Variants in C9orf152 observed in about 807,000 individuals in gnomAD.
The protein encoded by C9orf152 is chromosome 9 open reading frame 152.
Under a neutral mutation model 8.5 loss-of-function variants are expected in C9orf152, and 8 were observed. That is an observed-to-expected ratio of 0.94 (90% CI 0.55 to 1.70). C9orf152 has a LOEUF of 1.70. Ranked by LOEUF, C9orf152 falls within the 40% of genes most tolerant of loss-of-function variation. The pLI is 0.00. For synonymous variants in C9orf152, 109 were observed against 113.0 expected (o/e 0.96, Z 0.22); for missense variants, 293 against 286.2 (o/e 1.02, Z -0.17).
At position 110,201,138 on chromosome 9, in the gene C9orf152, T is replaced by C. The variant is rs899248810; in HGVS notation, c.530A>G (p.Gln177Arg). 1.7e-5 allele frequency: 28 copies of C among 1,614,260 alleles called. No homozygotes were observed. Among genetic ancestry groups the C allele is most frequent in the Non-Finnish European group, 2.2e-5 (26 of 1,180,042 alleles). The change falls in exon 2 of 2, where the codon CAG (glutamine) becomes CGG (arginine). Residue 177 changes from glutamine (Q) to arginine (R), a missense_variant. Physicochemically the swap from Gln to Arg is conservative, Grantham distance 43. Transcript: ENST00000400613. ...GGTATTGCCCACCTGGCATGGAAGC[T>C]GGGCAGCCTCTGGGATTCCGGTTCC... ...QQGTGIPEAA[Q>R]LPCQVGNTQT...
At chr9:110,204,259 C>T (rs1288073981) in intron 1 of C9orf152, among the ~76,000 whole-genome samples, 1 of 152,168 alleles carries the variant, frequency 6.6e-6, no homozygotes, top group Non-Finnish European at 1.5e-5. Context: ...GAAAGTAGCT[C>T]AAGGTCCCCT....
chr9:110,204,108 A>G (rs753213600), intron 1 of C9orf152, among the ~76,000 whole-genome samples: 1 of 152,214 alleles, frequency 6.6e-6, no homozygotes, highest in Admixed American at 6.5e-5. Context: ...GAAATGTAAT[A>G]TAAAACATCC....
In C9orf152 at chr9:110,201,101, T is replaced by G; in HGVS notation, c.567A>C (p.Ala189=). 1 of 1,614,238 alleles carries G rather than the reference T, an allele frequency of 6.2e-7. No homozygotes were observed. The highest frequency in any genetic ancestry group is 8.5e-7 in the Non-Finnish European group (1 of 1,180,048). ...PCQVGNTQTK[A]VESGLKFSTQ... Reference sequence around the variant, plus strand: ...TGCTGAATTTTAAGCCAGATTCCACTGCCTTTGTTTGGGTATTGCCCACCT... The same window carrying G: ...TGCTGAATTTTAAGCCAGATTCCACGGCCTTTGTTTGGGTATTGCCCACCT... Residue 189 remains alanine (A), a synonymous_variant, in exon 2 of 2, where the codon GCA becomes GCC. Transcript: ENST00000400613.
chr9:110,205,005 C>A (rs1254282002), intron 1 of C9orf152, among the ~76,000 whole-genome samples: 1 of 152,148 alleles, frequency 6.6e-6, no homozygotes, highest in Non-Finnish European at 1.5e-5. Flanking sequence ...CTCTCTCCAT[C>A]TTCCCTGGCT....
In C9orf152 at chr9:110,200,367, T is replaced by C. The variant is rs1837200592; in HGVS notation, c.*581A>G. 6.6e-6 allele frequency: 1 copy of C among 152,648 alleles called. No individual in the cohort carries two copies. Among genetic ancestry groups the C allele is most frequent in the Non-Finnish European group, 1.5e-5 (1 of 68,406 alleles). The allele number at this position is 152,648 out of a possible 1,614,324, so 9.5% of individuals were successfully genotyped here. ...GTAGGTAGCATTGATCTCACCTTCATACCCTGGGTGACCATACTTTGGGAA... is the reference window on the plus strand; with the variant it reads ...GTAGGTAGCATTGATCTCACCTTCACACCCTGGGTGACCATACTTTGGGAA... On this transcript the variant is annotated 3_prime_UTR_variant, in exon 2 of 2. Transcript: ENST00000400613.
At chr9:110,202,655 T>G (rs10816941) in intron 1 of C9orf152, among the ~76,000 whole-genome samples, 106,669 of 151,894 alleles carry the variant, frequency 0.7, 37,917 homozygotes, top group East Asian at 0.95. Flanking sequence ...CAGTGAGAGG[T>G]ATTGGAATGA....
intron 1 of C9orf152, 140 bp downstream of exon 1, chr9:110,207,247 G>A (rs1837282774): frequency 1.1e-6 from 1 of 922,816 alleles, no homozygotes; most frequent in Middle Eastern, 2.4e-4. Flanking sequence ...CAGCTGAGCA[G>A]AGCTGCCCTG....
intron 1 of C9orf152, among the ~76,000 whole-genome samples, chr9:110,205,346 G>A (rs1837262374): frequency 6.6e-6 from 1 of 152,052 alleles, no homozygotes; most frequent in African/African-American, 2.4e-5. Context: ...TAAAGTATAG[G>A]GGACAATTAA....
intron 1 of C9orf152, among the ~76,000 whole-genome samples, chr9:110,201,821 G>A (rs1837225513): frequency 6.6e-6 from 1 of 152,164 alleles, no homozygotes; most frequent in Non-Finnish European, 1.5e-5. Context: ...TGGTTGAGTA[G>A]AGACAAAATT....
Position 110,201,013 on chromosome 9 carries a change from G to A in C9orf152, c.655C>T (p.Pro219Ser). 1 of 1,614,168 alleles carries A rather than the reference G, an allele frequency of 6.2e-7. No individual in the cohort carries two copies. The highest frequency in any genetic ancestry group is 8.5e-7 in the Non-Finnish European group (1 of 1,180,036). Residue 219 changes from proline (P) to serine (S), a missense_variant, in exon 2 of 2, where the codon CCC (proline) becomes TCC (serine). Physicochemically the swap from Pro to Ser is moderately conservative, Grantham distance 74. Transcript: ENST00000400613. ...RSGKPAYYPF[P>S]QRKTPRISQA... Reference sequence around the variant, plus strand: ...GAGATCCTGGGTGTTTTCCTCTGGGGAAATGGATAGTAAGCTGGTTTGCCA... The same window carrying A: ...GAGATCCTGGGTGTTTTCCTCTGGGAAAATGGATAGTAAGCTGGTTTGCCA...
At position 110,206,192 on chromosome 9, in the gene C9orf152, G is replaced by C. The variant is rs187147952; in HGVS notation, c.193+1195C>G. On this transcript the variant is annotated intron_variant, in intron 1 of 1. Transcript: ENST00000400613. ...TGCATGAACCATAATTTAGCACCTA[G>C]TAATGATGGGAAAGGGGGTACCGAG... 1.8e-3 allele frequency among the ~76,000 whole-genome samples: 270 copies of C among 152,224 alleles called. 1 individual carries two copies. The highest frequency in any genetic ancestry group is 6.3e-3 in the African/African-American group (261 of 41,520).
chr9:110,205,321 C>T (rs1004295532), intron 1 of C9orf152, among the ~76,000 whole-genome samples: 3 of 152,196 alleles, frequency 2.0e-5, no homozygotes, highest in African/African-American at 7.2e-5. Context: ...AAGATACCAC[C>T]ATCTATCCTG....
intron 1 of C9orf152, among the ~76,000 whole-genome samples, chr9:110,201,809 C>G (rs1837225333): frequency 2.0e-5 from 3 of 152,136 alleles, no homozygotes; most frequent in Admixed American, 2.0e-4. Flanking sequence ...CGGGGTGTGT[C>G]CTGGTTGAGT....
rs776642989 is a variant in C9orf152, at chr9:110,201,326, C to T, written c.342G>A (p.Lys114=). The change falls in exon 2 of 2, where the codon AAG becomes AAA. Residue 114 remains lysine, a synonymous_variant. Transcript: ENST00000400613. ...TCTCCAGGTGCGTGTGCCATGGAGACTTGGGGGCCTGAAGGCAGCCCTGGG... is the reference window on the plus strand; with the variant it reads ...TCTCCAGGTGCGTGTGCCATGGAGATTTGGGGGCCTGAAGGCAGCCCTGGG... ...EAAQGCLQAP[K]SPWHTHLEMH... The T allele has an allele frequency of 1.1e-5, 17 of 1,612,764 alleles. No individual in the cohort carries two copies. In the South Asian group the frequency reaches 1.4e-4, roughly 14 times the overall value.
At chr9:110,205,484 C>G (rs188361535) in intron 1 of C9orf152, among the ~76,000 whole-genome samples, 1 of 152,312 alleles carries the variant, frequency 6.6e-6, no homozygotes, top group East Asian at 1.9e-4. Flanking sequence ...TACTTAGATA[C>G]ATGTGACATA....
At chr9:110,202,000 T>C (rs1019034168) in intron 1 of C9orf152, among the ~76,000 whole-genome samples, 6 of 152,180 alleles carry the variant, frequency 3.9e-5, no homozygotes, top group African/African-American at 9.7e-5. Context: ...CTCACACACA[T>C]GTGGGTTCAC....
chr9:110,202,595 T>A (rs914643322), intron 1 of C9orf152, among the ~76,000 whole-genome samples: 1 of 152,188 alleles, frequency 6.6e-6, no homozygotes, highest in African/African-American at 2.4e-5. Context: ...TGGGGACTTT[T>A]TTTTAAACCA....
In C9orf152 at chr9:110,201,396, AG is replaced by A; in HGVS notation, c.271del (p.Leu91TrpfsTer75). Reference protein sequence around the residue: ...INKERRSSLSLEEADSEVEGR... With the variant: ...INKERRSSLSXEEADSEVEGR... ...CTCCACCTCAGAATCTGCCTCTTCC[AG>A]GGACAGTGAGCTTCTTCTCTCCTTG... On this transcript the variant is annotated frameshift_variant, in exon 2 of 2. Coordinates refer to ENST00000400613, the MANE Select transcript of C9orf152 (RefSeq NM_001012993.3). LOFTEE classifies it low-confidence loss of function (END_TRUNC). 1 of 1,577,522 alleles carries A rather than the reference AG, an allele frequency of 6.3e-7. No homozygotes were observed.
intron 1 of C9orf152, among the ~76,000 whole-genome samples, chr9:110,202,399 A>G (rs897579076): frequency 1.3e-5 from 2 of 152,186 alleles, no homozygotes; most frequent in African/African-American, 4.8e-5. Context: ...TGGGATTCTG[A>G]TAGTGAGTTT....
Sources: allele counts gnomAD v4.1 joint callset (sites outside exome capture counted in the v4.1 genomes callset), GRCh38; gene constraint gnomAD v4.1.1; transcripts MANE v1.5; gene names NCBI Gene and HGNC (gene_info 2026-07-23, HGNC 2026-07-21).